The following ARAP1 variants were observed in gnomAD, a reference collection of about 807,000 sequenced individuals.
ARAP1 encodes the protein ArfGAP with RhoGAP domain, ankyrin repeat and PH domain 1.
In ARAP1, 76 loss-of-function variants were observed where a neutral mutation model predicts 172.2. The ratio of observed to expected loss-of-function variants is 0.44; its 90% CI spans 0.37 to 0.53. The LOEUF (loss-of-function observed/expected upper bound fraction) is 0.53, where lower values mean the gene tolerates loss of function less well. Ranked by LOEUF, ARAP1 falls within the 20% of genes least tolerant of loss-of-function variation. ARAP1 has a pLI of 0.00. For synonymous variants in ARAP1, 804 were observed against 803.3 expected, an observed-to-expected ratio of 1.00 and a Z score of -0.01; for missense variants, 1,686 against 1,977.5, an observed-to-expected ratio of 0.85 and a Z score of 2.80.
In ARAP1 at chr11:72,710,927, A is replaced by C; in HGVS notation, c.1213+94T>G. ...CTCCCCGGATGTGATGTGAGAGGGC[A>C]GATGCACCATGACTCTCTTCCCCCT... On this transcript the variant is annotated intron_variant, in intron 9 of 34. Transcript: ENST00000393609. This position sits in a 1 kb window ranked among gnomAD's most constrained non-coding sequence, Gnocchi z 4.3. 5 of 1,578,398 alleles carry C rather than the reference A, an allele frequency of 3.2e-6. No homozygotes were observed. Among genetic ancestry groups the C allele is most frequent in the African/African-American group, 1.3e-5 (1 of 74,458 alleles).
Position 72,697,410 on chromosome 11 carries a change from T to G in ARAP1, c.2866A>C (p.Met956Leu). 6.2e-7 allele frequency: 1 copy of G among 1,611,546 alleles called. No individual in the cohort carries two copies. The part of the protein sequence containing the change: ...LGAIQKAAAS[M>L]GDTLSEQQLG... Reference sequence around the variant, plus strand: ...TGCTGCTCCGACAGCGTGTCCCCCATGCTGGCGGCTGCTTTCTGGATGGCC... The same window carrying G: ...TGCTGCTCCGACAGCGTGTCCCCCAGGCTGGCGGCTGCTTTCTGGATGGCC... Residue 956 changes from methionine to leucine, a missense_variant, in exon 21 of 35, where the codon ATG (methionine) becomes CTG (leucine). Coordinates refer to ENST00000393609, the MANE Select transcript of ARAP1 (RefSeq NM_001040118.3).
At chr11:72,728,838 A>G (rs1857774651) in intron 2 of ARAP1, among the ~76,000 whole-genome samples, 1 of 152,240 alleles carries the variant, frequency 6.6e-6, no homozygotes, top group Admixed American at 6.5e-5. Flanking sequence ...AAGACAACAT[A>G]AAGAGATTAA....
At chr11:72,712,381 A>C (rs56249354) in intron 6 of ARAP1, 42 bp from the exon 7 acceptor site, 2 of 1,540,022 alleles carry the variant, frequency 1.3e-6, no homozygotes, top group African/African-American at 2.7e-5. Context: ...CTGAGGAGGC[A>C]AGGAGGGGGC....
At position 72,713,027 on chromosome 11, in the gene ARAP1, C is replaced by T. The variant is rs565496970; in HGVS notation, c.747+149G>A. The T allele has an allele frequency of 3.1e-4, 259 of 830,586 alleles. 1 individual carries two copies. The South Asian group carries it at 4.2e-3, about 13-fold the overall frequency. 51.5% of individuals were successfully genotyped at this position (830,586 alleles called of 1,614,324 possible). ...GCTGTGGCTACACGTGACTCCTGAC[C>T]CCCGTATGGCAAGAGAGTGAGGTGG... On this transcript the variant is annotated intron_variant, in intron 5 of 34. Transcript: ENST00000393609.
chr11:72,740,711 CA>C (rs2135589264), intron 1 of ARAP1, among the ~76,000 whole-genome samples: 1 of 152,260 alleles, frequency 6.6e-6, no homozygotes, highest in African/African-American at 2.4e-5. Flanking sequence ...CAAAGCTAAT[CA>C]AATAAGGTCT....
intron 2 of ARAP1, 52 bp from the exon 3 acceptor site, chr11:72,727,224 C>G: frequency 7.1e-7 from 1 of 1,409,876 alleles, no homozygotes; most frequent in South Asian, 1.4e-5. Context: ...GAGGATTGGT[C>G]CCCTCACCAG....
chr11:72,725,302 C>CTCTCTCTCTCTCTCTCTCTTTT lies in ARAP1; in HGVS notation c.509+1317_509+1318insAAAAGAGAGAGAGAGAGAGAGA, dbSNP rs754785899. 5.0e-3 allele frequency among the ~76,000 whole-genome samples: 746 copies of CTCTCTCTCTCTCTCTCTCTTTT among 150,378 alleles called. No homozygotes were observed. Among genetic ancestry groups the CTCTCTCTCTCTCTCTCTCTTTT allele is most frequent in the Non-Finnish European group, 8.0e-3 (533 of 66,748 alleles). ...TCCTCTTCTCTCTTCTAACCTCTCT[C>CTCTCTCTCTCTCTCTCTCTTTT]TCTCTCTCTCTCTCTCTTTTTCTCT... On this transcript the variant is annotated intron_variant, in intron 3 of 34. Coordinates refer to ENST00000393609, the MANE Select transcript of ARAP1 (RefSeq NM_001040118.3). The surrounding 1 kb of genome is among the most constrained non-coding windows in gnomAD (Gnocchi z 4.3).
intron 2 of ARAP1, among the ~76,000 whole-genome samples, chr11:72,730,538 A>C (rs1857834466): frequency 6.6e-6 from 1 of 152,236 alleles, no homozygotes; most frequent in Non-Finnish European, 1.5e-5. Context: ...CTCTACTAAA[A>C]ATACAAAAAG....
chr11:72,703,976 G>T, intron 14 of ARAP1, 176 bp downstream of exon 14: 1 of 817,568 alleles, frequency 1.2e-6, no homozygotes, highest in Non-Finnish European at 1.9e-6. Context: ...TCCCTGCATG[G>T]CCAGAACTTT....
chr11:72,733,336 G>A (rs762423886), intron 1 of ARAP1, among the ~76,000 whole-genome samples: 33 of 152,208 alleles, frequency 2.2e-4, no homozygotes, highest in Non-Finnish European at 4.1e-4. Context: ...CCTGTCAGGA[G>A]AGGTGGGGGA....
chr11:72,723,801 G>A, intron 3 of ARAP1, among the ~76,000 whole-genome samples: 1 of 152,220 alleles, frequency 6.6e-6, no homozygotes. Context: ...TGTTCTAGAT[G>A]TTGGGGATTC....
At chr11:72,747,410 C>T (rs1320579207) in intron 1 of ARAP1, among the ~76,000 whole-genome samples, 1 of 152,166 alleles carries the variant, frequency 6.6e-6, no homozygotes, top group African/African-American at 2.4e-5. Context: ...GTTACTGACA[C>T]CCTGCTGTAG....
rs1856146747 is a variant in ARAP1 at position 72,695,510 on chromosome 11, T to G, written c.3507+32A>C. On this transcript the variant is annotated intron_variant, in intron 25 of 34. Coordinates refer to ENST00000393609, the MANE Select transcript of ARAP1 (RefSeq NM_001040118.3). The surrounding 1 kb of genome is among the most constrained non-coding windows in gnomAD (Gnocchi z 4.4). ...CTAGGAAATGGGTGCAGGTGGCAGG[T>G]CCAAGCCCCCCACCCAGGCTCCAGC... 2 of 1,613,916 alleles carry G rather than the reference T, an allele frequency of 1.2e-6. No homozygotes were observed. The highest frequency in any genetic ancestry group is 1.7e-6 in the Non-Finnish European group (2 of 1,180,014).
In ARAP1 at chr11:72,710,173, G is replaced by C. The variant is rs577068947; in HGVS notation, c.1417-197C>G. The stretch of plus-strand genomic sequence containing the variant: ...CCCACACAGCAATGAACAGAGGTGC[G>C]GGGGAGCAAGGGCCAGGGCAGGGAC... On this transcript the variant is annotated intron_variant, in intron 10 of 34. Transcript: ENST00000393609. The surrounding 1 kb of genome is among the most constrained non-coding windows in gnomAD (Gnocchi z 4.3). Among the ~76,000 whole-genome samples the C allele has an allele frequency of 1.3e-5, 2 of 151,892 alleles. No individual in the cohort carries two copies. Among genetic ancestry groups the C allele is most frequent in the African/African-American group, 4.8e-5 (2 of 41,326 alleles).
At chr11:72,745,862 A>C (rs906618151) in intron 1 of ARAP1, among the ~76,000 whole-genome samples, 9 of 152,056 alleles carry the variant, frequency 5.9e-5, no homozygotes, top group African/African-American at 2.2e-4. Context: ...GCTGCTCCTG[A>C]CCCGCAGCCT....
At chr11:72,685,964 A>G (rs11824205) in intron 34 of ARAP1, 78 bp downstream of exon 34, 166,895 of 1,609,192 alleles carry the variant, frequency 0.1, 10,435 homozygotes, top group African/African-American at 0.28. Context: ...AATCAGGGCA[A>G]TCATCTACTG....
At chr11:72,705,738 G>C (rs556085875) in intron 13 of ARAP1, 67 bp downstream of exon 13, 3 of 1,542,776 alleles carry the variant, frequency 1.9e-6, no homozygotes, top group South Asian at 1.1e-5. Context: ...GGAGGGGGCT[G>C]GGAGACCCAG....
At chr11:72,712,115 G>A (rs1857040071) in intron 7 of ARAP1, 81 bp downstream of exon 7, 1 of 1,469,164 alleles carries the variant, frequency 6.8e-7, no homozygotes, top group Non-Finnish European at 9.0e-7. Flanking sequence ...ATCAGTGAGT[G>A]ATACCAGTGT....
rs777939317 is a variant in ARAP1 at position 72,712,343 on chromosome 11, G to T, written c.879-4C>A. ...GCTGCTGGTATGCCATCCGCCACTAGCGAGAGATGAGGGGATGGGGGGCCG... is the reference window on the plus strand; with the variant it reads ...GCTGCTGGTATGCCATCCGCCACTATCGAGAGATGAGGGGATGGGGGGCCG... On this transcript the variant is annotated splice_region_variant and splice_polypyrimidine_tract_variant and intron_variant, in intron 6 of 34. Coordinates refer to ENST00000393609, the MANE Select transcript of ARAP1 (RefSeq NM_001040118.3). The T allele has an allele frequency of 1.3e-6, 2 of 1,548,690 alleles. No individual in the cohort carries two copies. Among genetic ancestry groups the T allele is most frequent in the South Asian group, 1.2e-5 (1 of 81,776 alleles).
Sources: allele counts gnomAD v4.1 joint callset (sites outside exome capture counted in the v4.1 genomes callset), GRCh38; gene constraint gnomAD v4.1.1; non-coding constraint Gnocchi (gnomAD v3.1); transcripts MANE v1.5; gene names NCBI Gene and HGNC (gene_info 2026-07-23, HGNC 2026-07-21).